Variants in SPG11 observed in about 807,000 individuals in gnomAD.
SPG11 encodes the protein spatacsin.
In SPG11, 222 loss-of-function variants were observed where a neutral mutation model predicts 274.0. The observed-to-expected ratio is 0.81, with a 90% CI of 0.73 to 0.91. SPG11 has a LOEUF of 0.91. Among genes scored for constraint, SPG11 ranks in the 40% least tolerant of loss-of-function variants. The pLI, the probability that SPG11 is intolerant of heterozygous loss-of-function variation, is 0.00. For synonymous variants in SPG11, 1,144 were observed against 1,039.7 expected (o/e 1.10, Z -1.93); for missense variants, 3,114 against 2,872.7 (o/e 1.08, Z -1.92).
intron 7 of SPG11, among the ~76,000 whole-genome samples, chr15:44,645,967 A>T (rs2084596841): frequency 6.6e-6 from 1 of 152,218 alleles, no homozygotes; most frequent in East Asian, 1.9e-4. Flanking sequence ...TATTATGAAA[A>T]AGTCAAAAAA....
rs747220413 is a variant in SPG11, at chr15:44,660,588, TGCTGTTACGA to T, written c.276_285del (p.Arg93AlafsTer25). 2.7e-5 allele frequency: 44 copies of T among 1,614,180 alleles called. No homozygotes were observed. The highest frequency in any genetic ancestry group is 3.1e-5 in the Non-Finnish European group (37 of 1,180,016). On this transcript the variant is annotated frameshift_variant, in exon 2 of 40. Transcript: ENST00000261866. LOFTEE classifies it high-confidence loss of function. ...AGTTTGGGCTTTTCAGTTGGTGTGCTGCTGTTACGAGAATCCTCCCATAGAAAGCTAAGAA... is the reference window on the plus strand; with the variant it reads ...AGTTTGGGCTTTTCAGTTGGTGTGCTGAATCCTCCCATAGAAAGCTAAGAA...
At chr15:44,565,274 CT>C (rs1255329201) in intron 38 of SPG11, among the ~76,000 whole-genome samples, 1 of 152,172 alleles carries the variant, frequency 6.6e-6, no homozygotes, top group East Asian at 1.9e-4. Context: ...CCTCAACTGT[CT>C]TAAGGCAGTG....
chr15:44,614,644 G>A (rs1231525058), intron 16 of SPG11, among the ~76,000 whole-genome samples: 1 of 152,216 alleles, frequency 6.6e-6, no homozygotes, highest in East Asian at 1.9e-4. Flanking sequence ...TATTAGCTGT[G>A]TGCCTTAAGT....
intron 26 of SPG11, among the ~76,000 whole-genome samples, chr15:44,594,636 G>A (rs2140968231): frequency 6.7e-6 from 1 of 150,172 alleles, no homozygotes; most frequent in East Asian, 2.0e-4. Flanking sequence ...GGTGGTGTGT[G>A]CCTGTTTTCC....
At chr15:44,659,656 G>A (rs983702568) in intron 2 of SPG11, among the ~76,000 whole-genome samples, 1 of 152,192 alleles carries the variant, frequency 6.6e-6, no homozygotes, top group African/African-American at 2.4e-5. Flanking sequence ...GTATGTTACT[G>A]CTTTAAAAAT....
intron 15 of SPG11, among the ~76,000 whole-genome samples, chr15:44,618,516 CAAAAAA>C (rs1243300533): frequency 2.8e-5 from 1 of 35,378 alleles, no homozygotes; most frequent in Admixed American, 3.2e-4. Flanking sequence ...GACTCCATCT[CAAAAAA>C]AAAAAAAAAA....
chr15:44,572,735 G>C lies in SPG11; in HGVS notation c.6291C>G (p.Gly2097=), dbSNP rs772760984. Residue 2097 remains glycine, a synonymous_variant, in exon 33 of 40, where the codon GGC becomes GGG. Transcript: ENST00000261866. ...AGGAAATCTTATCCAACAACTTCAT[G>C]CCTACCAATGTGCGGTCTTGACACA... ...TTLCQDRTLV[G]MKLLDKISSV... The C allele has an allele frequency of 1.2e-6, 2 of 1,613,982 alleles. No homozygotes were observed. The highest frequency in any genetic ancestry group is 2.7e-5 in the African/African-American group (2 of 74,912).
chr15:44,572,651 C>G, intron 33 of SPG11, 32 bp downstream of exon 33: 1 of 1,613,476 alleles, frequency 6.2e-7, no homozygotes, highest in Non-Finnish European at 8.5e-7. Context: ...TGTTTAGGGC[C>G]AAAATATGTA....
rs181421737 is a variant in SPG11, at chr15:44,573,054, T to C, written c.6206-234A>G. 2.0e-5 allele frequency among the ~76,000 whole-genome samples: 3 copies of C among 150,258 alleles called. No individual in the cohort carries two copies. In the East Asian group the frequency reaches 5.9e-4, roughly 29 times the overall value. On this transcript the variant is annotated intron_variant, in intron 32 of 39. Transcript: ENST00000261866. Reference sequence around the variant, plus strand: ...CAGGCTGGAGTGCAGTGGGGTGATCTTGGCTCACTGCAACCTCAGCCTCCC... The same window carrying C: ...CAGGCTGGAGTGCAGTGGGGTGATCCTGGCTCACTGCAACCTCAGCCTCCC...
At chr15:44,622,183 T>C (rs1351324275) in intron 13 of SPG11, 37 bp downstream of exon 13, 3 of 1,593,454 alleles carry the variant, frequency 1.9e-6, no homozygotes, top group Non-Finnish European at 2.6e-6. Context: ...TATCTAACGG[T>C]ATTCTAATAT....
Position 44,608,504 on chromosome 15 carries a change from G to A in SPG11, c.3393C>T (p.Phe1131=), listed in dbSNP as rs1163516944. 2.5e-6 allele frequency: 4 copies of A among 1,614,012 alleles called. No individual in the cohort carries two copies. Among genetic ancestry groups the A allele is most frequent in the African/African-American group, 1.3e-5 (1 of 74,916 alleles). ...TPYPKLKTAL[F]PQCTPPSVLP... ...GGACACTAGGAGGAGTGCACTGTGG[G>A]AAGAGAGCAGTTTTTAGCTTGGGGT... Residue 1131 remains phenylalanine, a synonymous_variant, in exon 19 of 40, where the codon TTC becomes TTT. Transcript: ENST00000261866.
chr15:44,576,606 G>A (rs964166242), intron 30 of SPG11, among the ~76,000 whole-genome samples: 4 of 150,432 alleles, frequency 2.7e-5, no homozygotes, highest in East Asian at 2.0e-4. Flanking sequence ...TGGAGATTGC[G>A]CCACTGCACT....
chr15:44,640,978 T>C (rs1448911942), intron 7 of SPG11, among the ~76,000 whole-genome samples: 2 of 152,182 alleles, frequency 1.3e-5, no homozygotes, highest in African/African-American at 4.8e-5. Context: ...TCTGCCTGCC[T>C]TGGCCTCCCA....
At chr15:44,641,762 G>C (rs2084449701) in intron 7 of SPG11, among the ~76,000 whole-genome samples, 1 of 151,828 alleles carries the variant, frequency 6.6e-6, no homozygotes, top group African/African-American at 2.4e-5. Context: ...GCTGGTGAGA[G>C]CATAAACTGA....
chr15:44,587,673 G>C (rs988974875), intron 28 of SPG11, among the ~76,000 whole-genome samples: 13 of 121,524 alleles, frequency 1.1e-4, no homozygotes, highest in African/African-American at 4.6e-4. Flanking sequence ...TCCAGCTTGG[G>C]CAACAGAGCC....
In SPG11 at chr15:44,627,853, T is replaced by C. The variant is rs192637008; in HGVS notation, c.2067+816A>G. On this transcript the variant is annotated intron_variant, in intron 10 of 39. Coordinates refer to ENST00000261866, the MANE Select transcript of SPG11 (RefSeq NM_025137.4). ...ATCTGCCTGCCTCGGCCTCCCAAAGTGCTGGGATTACAGGCGTGAGCCACC... is the reference window on the plus strand; with the variant it reads ...ATCTGCCTGCCTCGGCCTCCCAAAGCGCTGGGATTACAGGCGTGAGCCACC... Among the ~76,000 whole-genome samples the C allele has an allele frequency of 7.2e-5, 11 of 152,238 alleles. No individual in the cohort carries two copies. In the East Asian group the frequency reaches 2.1e-3, roughly 29 times the overall value.
At position 44,569,407 on chromosome 15, in the gene SPG11, C is replaced by A. The variant is rs1445785018; in HGVS notation, c.6576G>T (p.Lys2192Asn). The change falls in exon 35 of 40, where the codon AAG becomes AAT. Residue 2192 changes from lysine (K) to asparagine (N), a missense_variant. Coordinates refer to ENST00000261866, the MANE Select transcript of SPG11 (RefSeq NM_025137.4). ...KHYFEVLMRKKLDPSGTLKTA... is the reference protein window; with the variant it reads ...KHYFEVLMRKNLDPSGTLKTA... ...ATTACTTTGCACCTACCGGATCCAA[C>A]TTCTTCCTCATTAGCACTTCAAAGT... is the stretch of plus-strand genomic sequence containing the variant. The A allele has an allele frequency of 6.2e-7, 1 of 1,601,888 alleles. No homozygotes were observed. Among genetic ancestry groups the A allele is most frequent in the Non-Finnish European group, 8.5e-7 (1 of 1,173,078 alleles).
intron 26 of SPG11, among the ~76,000 whole-genome samples, chr15:44,594,762 C>T (rs1186970453): frequency 6.6e-6 from 1 of 151,958 alleles, no homozygotes; most frequent in Non-Finnish European, 1.5e-5. Context: ...AGAGTAGGAC[C>T]CTGTCTCAAA....
At chr15:44,572,980 CTTTTTTTTTTT>C (rs974510197) in intron 32 of SPG11, among the ~76,000 whole-genome samples, 160 bp from the exon 33 acceptor site, 2 of 83,302 alleles carry the variant, frequency 2.4e-5, no homozygotes, top group African/African-American at 5.1e-5. Flanking sequence ...GACAGGAGTT[CTTTTTTTTTTT>C]TTTTTTTTTT....
Sources: allele counts gnomAD v4.1 joint callset (sites outside exome capture counted in the v4.1 genomes callset), GRCh38; gene constraint gnomAD v4.1.1; transcripts MANE v1.5; gene names NCBI Gene and HGNC (gene_info 2026-07-23, HGNC 2026-07-21).